Variants in FTO observed in about 807,000 individuals in gnomAD.
FTO encodes the protein alpha-ketoglutarate-dependent dioxygenase FTO.
Under a neutral mutation model 63.9 loss-of-function variants are expected in FTO, and 47 were observed. That is an observed-to-expected ratio of 0.74 (90% CI 0.58 to 0.94). FTO has a LOEUF of 0.94. Ranked by LOEUF, FTO falls within the 40% of genes least tolerant of loss-of-function variation. The pLI is 0.00. For missense variants in FTO, 562 were observed against 618.1 expected, an observed-to-expected ratio of 0.91 and a Z score of 0.96; for synonymous variants, 207 against 224.4, an observed-to-expected ratio of 0.92 and a Z score of 0.69.
At chr16:53,928,910 C>A (rs1297932908) in intron 7 of FTO, among the ~76,000 whole-genome samples, 1 of 151,862 alleles carries the variant, frequency 6.6e-6, no homozygotes, top group African/African-American at 2.4e-5. Flanking sequence ...GTGGCATGAT[C>A]CCGGCTCACT....
chr16:53,769,096 G>T (rs1401857474), intron 1 of FTO, among the ~76,000 whole-genome samples: 10 of 152,178 alleles, frequency 6.6e-5, no homozygotes, highest in South Asian at 2.1e-4. Flanking sequence ...TCAGGATTCA[G>T]AGTAAATCAG....
At chr16:53,837,066 G>T (rs1474665194) in intron 3 of FTO, among the ~76,000 whole-genome samples, 1 of 152,198 alleles carries the variant, frequency 6.6e-6, no homozygotes, top group Non-Finnish European at 1.5e-5. Flanking sequence ...TCTACTGTTA[G>T]AAGCTCTGGT....
intron 2 of FTO, among the ~76,000 whole-genome samples, chr16:53,821,127 G>A (rs956929139): frequency 5.9e-5 from 9 of 152,076 alleles, no homozygotes; most frequent in African/African-American, 1.9e-4. Context: ...TTGAATAAGG[G>A]CAGCAGAATT....
chr16:53,855,437 G>A (rs1456204183), intron 4 of FTO, among the ~76,000 whole-genome samples: 2 of 152,032 alleles, frequency 1.3e-5, no homozygotes, highest in Non-Finnish European at 2.9e-5. Context: ...GGCAAGGACT[G>A]TTTTAGCTTT....
intron 8 of FTO, among the ~76,000 whole-genome samples, chr16:53,972,040 A>G (rs2083334744): frequency 6.6e-6 from 1 of 152,086 alleles, no homozygotes; most frequent in Non-Finnish European, 1.5e-5. Context: ...AGTTTCATGT[A>G]GCATGGTCTA....
At position 53,826,299 on chromosome 16, in the gene FTO, G is replaced by C; in HGVS notation, c.559G>C (p.Gly187Arg). 6.2e-7 allele frequency: 1 copy of C among 1,614,064 alleles called. No individual in the cohort carries two copies. The highest frequency in any genetic ancestry group is 2.2e-5 in the East Asian group (1 of 44,880). Residue 187 changes from glycine (G) to arginine (R), a missense_variant, in exon 3 of 9, where the codon GGA becomes CGA. By Grantham distance (125) the Gly-to-Arg change is moderately radical. Coordinates refer to ENST00000471389, the MANE Select transcript of FTO (RefSeq NM_001080432.3). The stretch of plus-strand genomic sequence containing the variant: ...GGTTGGGATGGGTTCATCCTACAAC[G>C]GACAAGATGAAGTGGACATTAAGAG... The part of the protein sequence containing the change: ...PRVGMGSSYN[G>R]QDEVDIKSRA...
At chr16:53,811,121 G>T (rs573172455) in intron 2 of FTO, among the ~76,000 whole-genome samples, 2 of 152,130 alleles carry the variant, frequency 1.3e-5, no homozygotes, top group African/African-American at 4.8e-5. Context: ...TCTTGGAGTG[G>T]GGTTGGAGTG....
At chr16:53,988,546 C>A (rs1441028913) in intron 8 of FTO, among the ~76,000 whole-genome samples, 1 of 152,106 alleles carries the variant, frequency 6.6e-6, no homozygotes, top group African/African-American at 2.4e-5. Context: ...AATATTCTAC[C>A]CATGTCATAA....
chr16:53,955,949 G>T (rs2082919749), intron 8 of FTO, among the ~76,000 whole-genome samples: 1 of 152,008 alleles, frequency 6.6e-6, no homozygotes, highest in African/African-American at 2.4e-5. Context: ...TTCAAGACCG[G>T]TCTGGGCAAC....
chr16:54,039,844 A>C (rs1246996203), intron 8 of FTO: 1 of 152,198 alleles, frequency 6.6e-6, no homozygotes, highest in Non-Finnish European at 1.5e-5. Flanking sequence ...TGCTTCCTGT[A>C]GGAATTTGTT....
At chr16:53,980,660 G>C (rs1414144169) in intron 8 of FTO, among the ~76,000 whole-genome samples, 1 of 152,184 alleles carries the variant, frequency 6.6e-6, no homozygotes, top group Non-Finnish European at 1.5e-5. Flanking sequence ...ATAAATCCAA[G>C]GTGGCATTAA....
chr16:53,950,790 G>T (rs1331748136), intron 8 of FTO, among the ~76,000 whole-genome samples: 2 of 152,136 alleles, frequency 1.3e-5, no homozygotes, highest in East Asian at 3.9e-4. Flanking sequence ...CTCATGTTAG[G>T]ACCTCAGTGT....
chr16:53,771,368 C>T (rs2151631947), intron 1 of FTO, among the ~76,000 whole-genome samples: 1 of 152,232 alleles, frequency 6.6e-6, no homozygotes, highest in South Asian at 2.1e-4. Flanking sequence ...AGAATATATT[C>T]AGAATCCAAC....
intron 8 of FTO, among the ~76,000 whole-genome samples, chr16:53,972,611 T>C (rs1166766027): frequency 6.6e-6 from 1 of 152,236 alleles, no homozygotes; most frequent in African/African-American, 2.4e-5. Flanking sequence ...ATTCATTTCA[T>C]TGGTTACTTT....
At chr16:54,054,594 C>G (rs1400539835) in intron 8 of FTO, 2 of 152,158 alleles carry the variant, frequency 1.3e-5, no homozygotes, top group East Asian at 1.9e-4. Context: ...GCCATCAAAA[C>G]TACTTGCCAT....
chr16:54,108,620 A>T (rs1389648172), intron 8 of FTO, among the ~76,000 whole-genome samples: 1 of 152,204 alleles, frequency 6.6e-6, no homozygotes, highest in Non-Finnish European at 1.5e-5. Flanking sequence ...TGCCACTGGT[A>T]CCTGGAGTAG....
chr16:53,871,568 T>G (rs1335937471), intron 4 of FTO, among the ~76,000 whole-genome samples: 1 of 152,154 alleles, frequency 6.6e-6, no homozygotes, highest in African/African-American at 2.4e-5. Flanking sequence ...CCTCGCATAT[T>G]TTGTGTGTGT....
chr16:53,909,232 A>C (rs1459784573), intron 7 of FTO, among the ~76,000 whole-genome samples: 1 of 152,196 alleles, frequency 6.6e-6, no homozygotes, highest in South Asian at 2.1e-4. Context: ...ACTGTTATTA[A>C]ATTTTTTTAA....
At chr16:53,935,054 G>A (rs1470434822) in intron 8 of FTO, among the ~76,000 whole-genome samples, 2 of 152,158 alleles carry the variant, frequency 1.3e-5, no homozygotes, top group Non-Finnish European at 2.9e-5. Flanking sequence ...TTGAAAAACA[G>A]TTGATATGTG....
Sources: allele counts gnomAD v4.1 joint callset (sites outside exome capture counted in the v4.1 genomes callset), GRCh38; gene constraint gnomAD v4.1.1; transcripts MANE v1.5; gene names NCBI Gene and HGNC (gene_info 2026-07-23, HGNC 2026-07-21).